Variants in VIPR2 observed in about 807,000 individuals in gnomAD.
VIPR2 encodes vasoactive intestinal peptide receptor 2, also known as vasoactive intestinal polypeptide receptor 2.
In VIPR2, 48 loss-of-function variants were observed where a neutral mutation model predicts 58.0. The ratio of observed to expected loss-of-function variants is 0.83; its 90% CI spans 0.66 to 1.05. The LOEUF (loss-of-function observed/expected upper bound fraction) is 1.05. Ranked by LOEUF, VIPR2 falls within the 50% of genes least tolerant of loss-of-function variation. The pLI, the probability that VIPR2 is intolerant of heterozygous loss-of-function variation, is 0.00. For missense variants in VIPR2, 534 were observed against 558.0 expected, an observed-to-expected ratio of 0.96 and a Z score of 0.43; for synonymous variants, 243 against 235.2, an observed-to-expected ratio of 1.03 and a Z score of -0.30.
intron 1 of VIPR2, chr7:159,144,317 C>T (rs1250429142): frequency 6.6e-7 from 1 of 1,519,452 alleles, no homozygotes; most frequent in Non-Finnish European, 8.9e-7. Context: ...CAGGGAGGGA[C>T]CGAGAGGCAT....
chr7:159,058,917 G>C (rs547406603), intron 4 of VIPR2, among the ~76,000 whole-genome samples: 116 of 152,308 alleles, frequency 7.6e-4, no homozygotes, highest in Non-Finnish European at 1.2e-4. Flanking sequence ...GTCTGTCTCC[G>C]AGGCAGCACA....
rs1796714390 is a variant in VIPR2 at position 159,127,914 on chromosome 7, CG to C, written c.151+14531del. On this transcript the variant is annotated intron_variant, in intron 2 of 12. Transcript: ENST00000262178. This position sits in a 1 kb window ranked among gnomAD's most constrained non-coding sequence, Gnocchi z 4.6. ...GGTGAACATTCAAGGCCTCAAGGCACGGGGAGTCCTGCCGTGCTATTCCAAG... is the reference window on the plus strand; with the variant it reads ...GGTGAACATTCAAGGCCTCAAGGCACGGGAGTCCTGCCGTGCTATTCCAAG... Among the ~76,000 whole-genome samples the C allele has an allele frequency of 6.6e-6, 1 of 152,174 alleles. No homozygotes were observed. Among genetic ancestry groups the C allele is most frequent in the African/African-American group, 2.4e-5 (1 of 41,444 alleles).
At chr7:159,064,918 G>A (rs1855996485) in intron 4 of VIPR2, among the ~76,000 whole-genome samples, 1 of 152,192 alleles carries the variant, frequency 6.6e-6, no homozygotes, top group Admixed American at 6.5e-5. Context: ...AGCTTTGCAG[G>A]GGCCTGATGT....
At chr7:159,086,506 C>T (rs1585451442) in intron 4 of VIPR2, among the ~76,000 whole-genome samples, 1 of 152,236 alleles carries the variant, frequency 6.6e-6, no homozygotes, top group African/African-American at 2.4e-5. Flanking sequence ...TGGGTTTGCC[C>T]CCAGGAAGGG....
intron 4 of VIPR2, chr7:159,059,262 T>C (rs994696933): frequency 2.1e-6 from 1 of 471,024 alleles, no homozygotes; most frequent in Non-Finnish European, 4.4e-6. Context: ...CCAGTGCCTG[T>C]TGCGATAAAA....
rs1163650847 is a variant in VIPR2 at position 159,036,842 on chromosome 7, G to C, written c.658C>G (p.Leu220Val). The change falls in exon 7 of 13, where the codon CTG becomes GTG. Residue 220 changes from leucine (L) to valine (V), a missense_variant. By Grantham distance (32) the Leu-to-Val change is conservative. Coordinates refer to ENST00000262178, the MANE Select transcript of VIPR2 (RefSeq NM_003382.5). ...TGGAGGTAGAGCCCCTCCACCAGCA[G>C]CCAGAAGAAGTTGGCCATGATGCAG... ...QYCIMANFFW[L>V]LVEGLYLHTL... is the part of the protein sequence containing the mutation. 3 of 1,613,966 alleles carry C rather than the reference G, an allele frequency of 1.9e-6. No homozygotes were observed. Among genetic ancestry groups the C allele is most frequent in the Admixed American group, 1.7e-5 (1 of 59,996 alleles).
Position 159,111,774 on chromosome 7 carries a change from T to C in VIPR2, c.152-1855A>G, listed in dbSNP as rs538215559. On this transcript the variant is annotated intron_variant, in intron 2 of 12. Transcript: ENST00000262178. ...TTGTAATCTCAACACTTTGGCAGGC[T>C]GAGGCGGGATAATCCCTTGAGCCCA... 1.1e-3 allele frequency among the ~76,000 whole-genome samples: 167 copies of C among 152,262 alleles called. 2 individuals are homozygous for C. The highest frequency in any genetic ancestry group is 3.7e-3 in the African/African-American group (154 of 41,554).
At chr7:159,134,728 G>T (rs1000608601) in intron 2 of VIPR2, among the ~76,000 whole-genome samples, 1 of 151,838 alleles carries the variant, frequency 6.6e-6, no homozygotes, top group African/African-American at 2.4e-5. Flanking sequence ...GGCCATCTCG[G>T]CTCACTGCAA....
At chr7:159,065,812 A>G (rs979867846) in intron 4 of VIPR2, among the ~76,000 whole-genome samples, 5 of 152,192 alleles carry the variant, frequency 3.3e-5, no homozygotes, top group African/African-American at 1.2e-4. Flanking sequence ...GCCCACGTGT[A>G]GTTACGTTCT....
At chr7:159,136,797 C>T (rs1797247655) in intron 2 of VIPR2, among the ~76,000 whole-genome samples, 1 of 152,072 alleles carries the variant, frequency 6.6e-6, no homozygotes. Flanking sequence ...AATATAAAAT[C>T]ATAAAAAATG....
intron 8 of VIPR2, among the ~76,000 whole-genome samples, chr7:159,035,065 T>G (rs1268540579): frequency 6.6e-6 from 1 of 152,198 alleles, no homozygotes; most frequent in African/African-American, 2.4e-5. Context: ...CCACCAGCTC[T>G]CCAGCTCATA....
chr7:159,096,720 G>A lies in VIPR2; in HGVS notation c.357+7037C>T, dbSNP rs1200342751. 7 of 1,368,080 alleles carry A rather than the reference G, an allele frequency of 5.1e-6. No homozygotes were observed. In the African/African-American group the frequency reaches 1.0e-4, roughly 20 times the overall value. The allele number at this position is 1,368,080 out of a possible 1,614,324, so 84.7% of individuals were successfully genotyped here. ...AGAAAAGTGCTCATAATCCTGTCTG[G>A]TTGTGCCAGGTGACAGCTGAATGAT... On this transcript the variant is annotated intron_variant, in intron 4 of 12. Coordinates refer to ENST00000262178, the MANE Select transcript of VIPR2 (RefSeq NM_003382.5). This position sits in a 1 kb window ranked among gnomAD's most constrained non-coding sequence, Gnocchi z 5.5.
chr7:159,058,954 G>C (rs1855480749), intron 4 of VIPR2, among the ~76,000 whole-genome samples: 1 of 152,256 alleles, frequency 6.6e-6, no homozygotes, highest in Non-Finnish European at 1.5e-5. Context: ...TCCTGGATGA[G>C]CTCAGGTGGA....
intron 4 of VIPR2, among the ~76,000 whole-genome samples, chr7:159,083,945 G>A (rs1262584886): frequency 6.6e-6 from 1 of 152,204 alleles, no homozygotes; most frequent in Non-Finnish European, 1.5e-5. Context: ...TCAGATAGAA[G>A]CCTTCTTTAC....
In VIPR2 at chr7:159,128,921, C is replaced by T. The variant is rs369182522; in HGVS notation, c.151+13525G>A. On this transcript the variant is annotated intron_variant, in intron 2 of 12. Coordinates refer to ENST00000262178, the MANE Select transcript of VIPR2 (RefSeq NM_003382.5). This position sits in a 1 kb window ranked among gnomAD's most constrained non-coding sequence, Gnocchi z 4.1. The stretch of plus-strand genomic sequence containing the variant: ...CTTCCATCTGCTGCACACCAAAGCC[C>T]ACCACCCTTCAAGCTCCAGGGCAAA... Among the ~76,000 whole-genome samples the T allele has an allele frequency of 2.3e-4, 35 of 152,288 alleles. 1 individual carries two copies. In the South Asian group the frequency reaches 5.4e-3, roughly 23 times the overall value.
chr7:159,056,281 C>T (rs1855324183), intron 5 of VIPR2, among the ~76,000 whole-genome samples: 1 of 151,940 alleles, frequency 6.6e-6, no homozygotes, highest in South Asian at 2.1e-4. Flanking sequence ...GTGCAAGTCC[C>T]ACATTTGCCC....
intron 4 of VIPR2, among the ~76,000 whole-genome samples, chr7:159,077,192 T>C (rs972305537): frequency 3.3e-5 from 5 of 152,252 alleles, no homozygotes; most frequent in Non-Finnish European, 5.9e-5. Context: ...TTGGTAGGAA[T>C]TGGGGTGACT....
Position 159,034,228 on chromosome 7 carries a change from T to TC in VIPR2, c.955dup (p.Asp319GlyfsTer42). 6.2e-7 allele frequency: 1 copy of TC among 1,614,034 alleles called. No individual in the cohort carries two copies. The highest frequency in any genetic ancestry group is 8.5e-7 in the Non-Finnish European group (1 of 1,179,988). On this transcript the variant is annotated frameshift_variant, in exon 10 of 13. Coordinates refer to ENST00000262178, the MANE Select transcript of VIPR2 (RefSeq NM_003382.5). LOFTEE classifies it high-confidence loss of function. ...ACACACTCACTTGTACTGAGACTGG[T>TC]CGTTGCCGCCGACATCTGGGGATGT...
chr7:159,036,693 C>A, intron 7 of VIPR2, 59 bp downstream of exon 7: 1 of 1,544,702 alleles, frequency 6.5e-7, no homozygotes, highest in South Asian at 1.2e-5. Context: ...AAAATGTTTG[C>A]GTTGTTTGGT....
Sources: gnomAD v4.1 joint callset for allele counts (sites outside exome capture counted in the v4.1 genomes callset) on GRCh38, gnomAD v4.1.1 for gene constraint, Gnocchi (gnomAD v3.1) non-coding constraint, MANE v1.5 for transcripts, NCBI Gene and HGNC (gene_info 2026-07-23, HGNC 2026-07-21) for gene names.